Variants in GREB1 observed in about 807,000 individuals in gnomAD.
GREB1 encodes growth regulating estrogen receptor binding 1, also known as protein GREB1.
Under a neutral mutation model 200.7 loss-of-function variants are expected in GREB1, and 106 were observed. The observed-to-expected ratio is 0.53, with a 90% CI of 0.45 to 0.62. The LOEUF is 0.62. Ranked by LOEUF, GREB1 falls within the 20% of genes least tolerant of loss-of-function variation. The pLI is 0.00. For missense variants in GREB1, 2,243 were observed against 2,556.8 expected (o/e 0.88, Z 2.65); for synonymous variants, 1,132 against 1,092.4 (o/e 1.04, Z -0.72).
chr2:11,580,312 T>C lies in GREB1; in HGVS notation c.773-392T>C, dbSNP rs1241755762. Among the ~76,000 whole-genome samples, 4 of 152,224 alleles carry C rather than the reference T, an allele frequency of 2.6e-5. No individual in the cohort carries two copies. The highest frequency in any genetic ancestry group is 5.9e-5 in the Non-Finnish European group (4 of 68,040). ...GGAAGCAGAACAGTTTCAGGTGTGG[T>C]CCTGGAATTCAGGAAGTCCCCCGGT... On this transcript the variant is annotated intron_variant, in intron 6 of 32. Transcript: ENST00000381486. The surrounding 1 kb of genome is among the most constrained non-coding windows in gnomAD (Gnocchi z 4.5).
At chr2:11,617,333 G>A (rs1281138661) in intron 21 of GREB1, among the ~76,000 whole-genome samples, 2 of 152,152 alleles carry the variant, frequency 1.3e-5, no homozygotes, top group Admixed American at 6.5e-5. Flanking sequence ...GGCCACCGTC[G>A]GCCATCAGCA....
intron 1 of GREB1, among the ~76,000 whole-genome samples, chr2:11,552,740 G>T (rs190425276): frequency 2.0e-5 from 3 of 151,976 alleles, no homozygotes; most frequent in South Asian, 2.1e-4. Flanking sequence ...GGCCGGGCGC[G>T]GTGGCTCACG....
chr2:11,615,027 C>A, intron 19 of GREB1, 64 bp from the exon 20 acceptor site: 2 of 1,238,746 alleles, frequency 1.6e-6, no homozygotes, highest in Non-Finnish European at 1.2e-6. Context: ...CTGCCTGCCG[C>A]AGTGGGAACA....
intron 24 of GREB1, 130 bp from the exon 25 acceptor site, chr2:11,626,832 G>A: frequency 1.1e-6 from 1 of 883,890 alleles, no homozygotes; most frequent in South Asian, 1.6e-5. Context: ...GAGGTGAGAG[G>A]CAGTCCTCCC....
chr2:11,620,143 A>T (rs925617391), intron 22 of GREB1, among the ~76,000 whole-genome samples: 25 of 152,020 alleles, frequency 1.6e-4, no homozygotes, highest in African/African-American at 6.0e-4. Context: ...TGCCCGGCTA[A>T]TTTTTGTATT....
Position 11,620,989 on chromosome 2 carries a change from G to A in GREB1, c.4129G>A (p.Glu1377Lys), listed in dbSNP as rs372140002. The change falls in exon 23 of 33, where the codon GAG (glutamate) becomes AAG (lysine). Residue 1377 changes from glutamate to lysine, a missense_variant. Glu to Lys is a moderately conservative substitution (Grantham distance 56). Around this residue, in one of 3 missense-constraint regions of GREB1, gnomAD observed 587 missense variants for 553.1 expected, o/e 1.06. Transcript: ENST00000381486. ...GCTCACAGAAGTGGATGTCTATGAC[G>A]AGGAGGAGATCAATATCAGTGAGTT... Reference protein sequence around the residue: ...VRLTEVDVYDEEEININLREE... With the variant: ...VRLTEVDVYDKEEININLREE... The A allele has an allele frequency of 1.2e-5, 19 of 1,604,032 alleles. No individual in the cohort carries two copies. Among genetic ancestry groups the A allele is most frequent in the African/African-American group, 9.4e-5 (7 of 74,830 alleles).
At chr2:11,577,819 C>T (rs918434492) in intron 5 of GREB1, among the ~76,000 whole-genome samples, 1 of 152,204 alleles carries the variant, frequency 6.6e-6, no homozygotes, top group Non-Finnish European at 1.5e-5. Flanking sequence ...AGTCATTTCT[C>T]AGGCCCAGAG....
intron 30 of GREB1, among the ~76,000 whole-genome samples, chr2:11,636,900 G>A (rs1685394340): frequency 1.6e-5 from 2 of 127,638 alleles, no homozygotes; most frequent in Admixed American, 8.1e-5. Flanking sequence ...ACAGAGCCAG[G>A]GACATAGGTA....
intron 10 of GREB1, chr2:11,591,256 G>A (rs975406420): frequency 1.3e-5 from 8 of 605,236 alleles, no homozygotes; most frequent in African/African-American, 7.5e-5. Flanking sequence ...ATTCTGGCAC[G>A]GCCCACAGAG....
At position 11,580,817 on chromosome 2, in the gene GREB1, C is replaced by T. The variant is rs761928277; in HGVS notation, c.886C>T (p.Arg296Ter). The change falls in exon 7 of 33, where the codon CGA (arginine) becomes TGA (stop). Residue 296 changes from arginine to a stop codon, truncating the protein, a stop_gained. Transcript: ENST00000381486. LOFTEE classifies it high-confidence loss of function. This position sits in a 1 kb window ranked among gnomAD's most constrained non-coding sequence, Gnocchi z 4.5. ...LAKNNLLALP[R>*]PSALGILSNS... ...AAAGAATAACCTGTTGGCCCTGCCG[C>T]GACCATCGGCTTTAGGTAGCTCTGC... 5.6e-6 allele frequency: 9 copies of T among 1,614,142 alleles called. No homozygotes were observed. Among genetic ancestry groups the T allele is most frequent in the East Asian group, 2.2e-5 (1 of 44,904 alleles).
rs368862433 is a variant in GREB1 at position 11,616,683 on chromosome 2, C to T, written c.3375C>T (p.His1125=). Residue 1125 remains histidine, a synonymous_variant, in exon 21 of 33, where the codon CAC becomes CAT. Transcript: ENST00000381486. Reference sequence around the variant, plus strand: ...TGAAAAGGGAGAGGTCCCGCTCCCACGACTCAGCATCCTCATCCCTCTCCT... The same window carrying T: ...TGAAAAGGGAGAGGTCCCGCTCCCATGACTCAGCATCCTCATCCCTCTCCT... ...SPMKRERSRS[H]DSASSSLSSK... The T allele has an allele frequency of 4.0e-5, 65 of 1,612,836 alleles. No homozygotes were observed. Among genetic ancestry groups the T allele is most frequent in the Middle Eastern group, 3.3e-4 (2 of 6,082 alleles).
In GREB1 at chr2:11,492,813, G is replaced by A. The variant is rs1672800630; in HGVS notation, c.-159+10432G>A. On this transcript the variant is annotated intron_variant, in intron 1 of 2. Transcript: ENST00000628795. The surrounding 1 kb of genome is among the most constrained non-coding windows in gnomAD (Gnocchi z 4.0). The stretch of plus-strand genomic sequence containing the variant: ...CCTAGTGCCTGTGGGGCCAGCAAGA[G>A]TCTCCAAGGCAGTTGTGCCAGGCAG... 6.6e-6 allele frequency among the ~76,000 whole-genome samples: 1 copy of A among 152,224 alleles called. No individual in the cohort carries two copies. The highest frequency in any genetic ancestry group is 1.5e-5 in the Non-Finnish European group (1 of 68,026).
intron 17 of GREB1, among the ~76,000 whole-genome samples, chr2:11,604,660 G>A (rs1682087175): frequency 6.6e-6 from 1 of 152,238 alleles, no homozygotes; most frequent in Non-Finnish European, 1.5e-5. Context: ...CTGAAGCCGA[G>A]TGGGAGAGTG....
At chr2:11,637,992 T>C in intron 31 of GREB1, 76 bp downstream of exon 31, 1 of 1,273,808 alleles carries the variant, frequency 7.9e-7, no homozygotes, top group South Asian at 1.2e-5. Context: ...AATCTGGGAC[T>C]CTGAATCCTA....
chr2:11,524,336 A>G (rs1673802100), intron 1 of GREB1, among the ~76,000 whole-genome samples: 1 of 152,176 alleles, frequency 6.6e-6, no homozygotes, highest in African/African-American at 2.4e-5. Flanking sequence ...GCAGTTGCTA[A>G]TTGACAGCCA....
chr2:11,615,590 A>T (rs972232523), intron 20 of GREB1, among the ~76,000 whole-genome samples: 1 of 152,204 alleles, frequency 6.6e-6, no homozygotes, highest in East Asian at 1.9e-4. Flanking sequence ...AGAAAAATTA[A>T]GATTTCTTAG....
intron 1 of GREB1, among the ~76,000 whole-genome samples, chr2:11,511,484 C>T (rs1673350449): frequency 6.6e-6 from 1 of 152,044 alleles, no homozygotes; most frequent in Non-Finnish European, 1.5e-5. Context: ...AGTGTGAGTT[C>T]AGGGAAAGAC....
chr2:11,538,629 CTT>C (rs1674418984), intron 1 of GREB1, among the ~76,000 whole-genome samples: 1 of 35,194 alleles, frequency 2.8e-5, no homozygotes, highest in Non-Finnish European at 7.6e-5. Context: ...TTCTTTCTTT[CTT>C]TCTTTCTTTC....
In GREB1 at chr2:11,486,045, C is replaced by T. The variant is rs919715670; in HGVS notation, c.-159+3664C>T. The stretch of plus-strand genomic sequence containing the variant: ...GACAGGAACTTGCTTTCAATAATCT[C>T]ACCTTTCTCCTTTTAGCATTCTCTG... On this transcript the variant is annotated intron_variant, in intron 1 of 2. Transcript: ENST00000628795. Among the ~76,000 whole-genome samples the T allele has an allele frequency of 7.2e-5, 11 of 152,308 alleles. No individual in the cohort carries two copies. The East Asian group carries it at 1.9e-3, about 27-fold the overall frequency.
Sources: gnomAD v4.1 joint callset for allele counts (sites outside exome capture counted in the v4.1 genomes callset) on GRCh38, gnomAD v4.1.1 for gene constraint, gnomAD v4.1.1 regional missense constraint, Gnocchi (gnomAD v3.1) non-coding constraint, MANE v1.5 for transcripts, NCBI Gene and HGNC (gene_info 2026-07-23, HGNC 2026-07-21) for gene names.